VWF: variants seen among roughly 807,000 people sequenced by gnomAD.
VWF encodes von Willebrand factor.
A neutral mutation model predicts 308.6 loss-of-function variants in VWF; 176 were observed. The ratio of observed to expected loss-of-function variants is 0.57; its 90% CI spans 0.50 to 0.65. The LOEUF is 0.65. VWF is among the 30% of genes least tolerant of loss of function. VWF has a pLI of 0.00. For synonymous variants in VWF, 1,385 were observed against 1,443.4 expected, an observed-to-expected ratio of 0.96 and a Z score of 0.92; for missense variants, 3,146 against 3,648.2, an observed-to-expected ratio of 0.86 and a Z score of 3.55.
chr12:6,047,377 A>T (rs1944456995), intron 16 of VWF, among the ~76,000 whole-genome samples: 1 of 152,166 alleles, frequency 6.6e-6, no homozygotes, highest in Non-Finnish European at 1.5e-5. Context: ...TTCAAAACTA[A>T]ACTCATGATC....
intron 13 of VWF, among the ~76,000 whole-genome samples, chr12:6,062,532 C>G (rs1357648283): frequency 2.6e-5 from 4 of 151,950 alleles, no homozygotes; most frequent in African/African-American, 9.7e-5. Context: ...GGGGAAGAAT[C>G]TGGTGGTTTC....
chr12:6,062,552 C>T (rs1292167343), intron 13 of VWF, among the ~76,000 whole-genome samples: 1 of 152,032 alleles, frequency 6.6e-6, no homozygotes, highest in Non-Finnish European at 1.5e-5. Flanking sequence ...CCTGAGCAAC[C>T]TTTCCCGGGC....
At chr12:5,964,657 ATTAAT>A (rs557694177) in intron 47 of VWF, among the ~76,000 whole-genome samples, 242 of 152,224 alleles carry the variant, frequency 1.6e-3, no homozygotes, top group Non-Finnish European at 2.4e-3. Context: ...TTGCTCAGAG[ATTAAT>A]TTAAACCATT....
chr12:6,053,702 C>T (rs1022982031), intron 15 of VWF, among the ~76,000 whole-genome samples: 2 of 152,222 alleles, frequency 1.3e-5, no homozygotes, highest in African/African-American at 4.8e-5. Context: ...GCAGTATCCT[C>T]ACTGGATGGA....
intron 34 of VWF, among the ~76,000 whole-genome samples, chr12:6,004,346 G>C (rs190743852): frequency 6.6e-6 from 1 of 151,966 alleles, no homozygotes; most frequent in Non-Finnish European, 1.5e-5. Context: ...CATAGATGCT[G>C]AAAAAGCCTT....
chr12:6,048,876 T>C (rs1477941795), intron 16 of VWF, among the ~76,000 whole-genome samples: 24 of 152,208 alleles, frequency 1.6e-4, no homozygotes. Context: ...CGTGCCTTCT[T>C]CTGGTTTTTA....
rs61749368 is a variant in VWF at position 6,019,726 on chromosome 12, T to C, written c.3692A>G (p.Asn1231Ser). The change falls in exon 28 of 52, where the codon AAC becomes AGC. Residue 1231 changes from asparagine (N) to serine (S), a missense_variant. By Grantham distance (46) the Asn-to-Ser change is conservative. Around this residue, in one of 3 missense-constraint regions of VWF, gnomAD observed 853 missense variants for 1,177.8 expected, o/e 0.72. Transcript: ENST00000261405. This position sits in a 1 kb window ranked among gnomAD's most constrained non-coding sequence, Gnocchi z 5.8. Reference sequence around the variant, plus strand: ...CTCCTGGCAGGCTTCACAGGTGAGGTTGACAACATCACAGTGGCTGCAGAA... The same window carrying C: ...CTCCTGGCAGGCTTCACAGGTGAGGCTGACAACATCACAGTGGCTGCAGAA... The part of the protein sequence containing the change: ...HCQICHCDVV[N>S]LTCEACQEPG... 7.6e-4 allele frequency: 1,227 copies of C among 1,612,190 alleles called. 11 individuals carry two copies. The South Asian group carries it at 9.7e-3, about 13-fold the overall frequency.
chr12:6,017,772 T>C (rs1408728940), intron 28 of VWF, among the ~76,000 whole-genome samples: 2 of 152,214 alleles, frequency 1.3e-5, no homozygotes, highest in Non-Finnish European at 2.9e-5. Context: ...ATCCTTTGTA[T>C]AGACGATATA....
chr12:6,046,866 C>A lies in VWF; in HGVS notation c.2187-49G>T. 1 of 1,553,194 alleles carries A rather than the reference C, an allele frequency of 6.4e-7. No homozygotes were observed. ...GAGCTTCACGAGACTCGTCTATACT[C>A]GCTGCCTCCACATCTTCACCTCCCA... On this transcript the variant is annotated intron_variant, in intron 16 of 51. Transcript: ENST00000261405. This position sits in a 1 kb window ranked among gnomAD's most constrained non-coding sequence, Gnocchi z 5.0.
chr12:5,985,632 A>G lies in VWF; in HGVS notation c.6832T>C (p.Cys2278Arg). 6.2e-7 allele frequency: 1 copy of G among 1,614,160 alleles called. No homozygotes were observed. Among genetic ancestry groups the G allele is most frequent in the Non-Finnish European group, 8.5e-7 (1 of 1,180,052 alleles). The change falls in exon 39 of 52, where the codon TGT becomes CGT. Residue 2278 changes from cysteine to arginine, a missense_variant. Transcript: ENST00000261405. ...CCGCTGAGGCATGTGCAGATCTGAC[A>G]GGGCTGGTGGTCCGGGACCCAGGCT... ...LEAWVPDHQP[C>R]QICTCLSGRK...
At chr12:5,951,439 G>A (rs1346158926) in intron 50 of VWF, among the ~76,000 whole-genome samples, 1 of 152,220 alleles carries the variant, frequency 6.6e-6, no homozygotes, top group Admixed American at 6.5e-5. Flanking sequence ...AGTCTACTCT[G>A]TCAGGATCAT....
At chr12:5,978,128 T>G (rs1482467948) in intron 42 of VWF, among the ~76,000 whole-genome samples, 4 of 149,422 alleles carry the variant, frequency 2.7e-5, no homozygotes, top group African/African-American at 7.3e-5. Context: ...TTATTATTTA[T>G]AATAATTATA....
At chr12:6,057,512 T>G (rs1436014279) in intron 14 of VWF, among the ~76,000 whole-genome samples, 1 of 145,430 alleles carries the variant, frequency 6.9e-6, no homozygotes, top group Non-Finnish European at 1.5e-5. Flanking sequence ...TTATTATTAT[T>G]ATTATTATTA....
chr12:6,001,514 A>G (rs1943873245), intron 34 of VWF, among the ~76,000 whole-genome samples: 2 of 152,228 alleles, frequency 1.3e-5, no homozygotes, highest in South Asian at 4.1e-4. Flanking sequence ...AATGTGACTA[A>G]TAAGAGCATT....
chr12:5,985,091 G>T lies in VWF; in HGVS notation c.6930C>A (p.Ala2310=). Residue 2310 remains alanine (A), a synonymous_variant, in exon 40 of 52, where the codon GCC becomes GCA. Coordinates refer to ENST00000261405, the MANE Select transcript of VWF (RefSeq NM_000552.5). ...KAPTCGLCEV[A]RLRQNADQCC... is the part of the protein sequence containing the mutation. Reference sequence around the variant, plus strand: ...ACTGGTCTGCATTCTGGCGGAGGCGGGCTACTTCACACAGGCCACACGTGG... The same window carrying T: ...ACTGGTCTGCATTCTGGCGGAGGCGTGCTACTTCACACAGGCCACACGTGG... 2.5e-6 allele frequency: 4 copies of T among 1,614,184 alleles called. No homozygotes were observed. Among genetic ancestry groups the T allele is most frequent in the Non-Finnish European group, 3.4e-6 (4 of 1,180,038 alleles).
At chr12:6,086,468 T>C (rs2136487230) in intron 6 of VWF, among the ~76,000 whole-genome samples, 1 of 152,282 alleles carries the variant, frequency 6.6e-6, no homozygotes, top group Middle Eastern at 3.4e-3. Flanking sequence ...TTCCTTGAGA[T>C]CTACTGACCT....
At chr12:6,031,674 G>T in intron 20 of VWF, 96 bp from the exon 21 acceptor site, 1 of 1,587,294 alleles carries the variant, frequency 6.3e-7, no homozygotes, top group Non-Finnish European at 8.6e-7. Flanking sequence ...CTTTGAGTAC[G>T]TGTCACAGGA....
At chr12:5,989,553 A>G (rs1424453008) in intron 38 of VWF, among the ~76,000 whole-genome samples, 1 of 152,194 alleles carries the variant, frequency 6.6e-6, no homozygotes, top group African/African-American at 2.4e-5. Context: ...ATTTTATTTT[A>G]CCTGATTTTA....
At chr12:6,000,417 T>A (rs80225133) in intron 34 of VWF, among the ~76,000 whole-genome samples, 1,666 of 152,358 alleles carry the variant, frequency 0.011, 35 homozygotes, top group African/African-American at 0.038. Flanking sequence ...GAATTCTGTA[T>A]TCAGCCAAGG....
Sources: allele counts gnomAD v4.1 joint callset (sites outside exome capture counted in the v4.1 genomes callset), GRCh38; gene constraint gnomAD v4.1.1; regional missense constraint gnomAD v4.1.1; non-coding constraint Gnocchi (gnomAD v3.1); transcripts MANE v1.5; gene names NCBI Gene and HGNC (gene_info 2026-07-23, HGNC 2026-07-21).